POMT2: variants seen among roughly 807,000 people sequenced by gnomAD.
POMT2 encodes protein O-mannosyl-transferase 2.
POMT2 carries 75 observed loss-of-function variants against 100.0 expected under a neutral mutation model. The observed-to-expected ratio is 0.75, with a 90% CI of 0.62 to 0.91. POMT2 has a LOEUF of 0.91. POMT2 is among the 40% of genes least tolerant of loss of function. The pLI is 0.00. For missense variants in POMT2, 940 were observed against 955.1 expected, an observed-to-expected ratio of 0.98 and a Z score of 0.21; for synonymous variants, 378 against 374.1, an observed-to-expected ratio of 1.01 and a Z score of -0.12.
intron 5 of POMT2, among the ~76,000 whole-genome samples, chr14:77,301,870 C>T (rs939583751): frequency 6.6e-6 from 1 of 151,530 alleles, no homozygotes; most frequent in Non-Finnish European, 1.5e-5. Flanking sequence ...TTTTGCTATT[C>T]GTATAGCACC....
chr14:77,287,364 T>A, intron 11 of POMT2: 1 of 152,116 alleles, frequency 6.6e-6, no homozygotes. Context: ...ATGTTCATTA[T>A]AAAATTTCTG....
rs1055592 is a variant in POMT2, at chr14:77,277,301, G to A, written c.*75C>T. On this transcript the variant is annotated 3_prime_UTR_variant, in exon 21 of 21. Transcript: ENST00000261534. The stretch of plus-strand genomic sequence containing the variant: ...CTCCTTAGGCAGCTTCCTCATGGCC[G>A]GATGGTCCAGTACTGCTTCCCAGCT... The A allele has an allele frequency of 0.22, 290,819 of 1,299,554 alleles. 35,380 individuals are homozygous for A. Among genetic ancestry groups the A allele is most frequent in the East Asian group, 0.45 (19,423 of 42,906 alleles). The allele number at this position is 1,299,554 out of a possible 1,614,324, so 80.5% of individuals were successfully genotyped here.
chr14:77,301,343 G>C, intron 5 of POMT2, 94 bp from the exon 6 acceptor site: 2 of 1,519,060 alleles, frequency 1.3e-6, no homozygotes, highest in African/African-American at 1.4e-5. Flanking sequence ...GACTTGGAGC[G>C]GCTGTGCTGT....
intron 11 of POMT2, chr14:77,287,544 C>CTCTCTCTA (rs1377883829): frequency 9.9e-6 from 1 of 101,180 alleles, no homozygotes; most frequent in Non-Finnish European, 2.2e-5. Context: ...CTCTCTCTCT[C>CTCTCTCTA]TATATATATA....
At chr14:77,280,140 A>AG in intron 16 of POMT2, 60 bp from the exon 17 acceptor site, 1 of 1,612,272 alleles carries the variant, frequency 6.2e-7, no homozygotes, top group Non-Finnish European at 8.5e-7. Flanking sequence ...CACACCCATT[A>AG]GGGGGAGGAA....
intron 1 of POMT2, 139 bp from the exon 2 acceptor site, chr14:77,312,172 T>C (rs1046840535): frequency 2.9e-6 from 4 of 1,380,584 alleles, no homozygotes; most frequent in East Asian, 2.6e-5. Flanking sequence ...AAAAAAATAT[T>C]TTGACACAAG....
chr14:77,312,261 G>C, intron 1 of POMT2: 1 of 561,000 alleles, frequency 1.8e-6, no homozygotes, highest in East Asian at 3.9e-5. Context: ...ATATTCACTA[G>C]CCAGTTACCA....
chr14:77,279,303 C>A, intron 18 of POMT2: 1 of 368,406 alleles, frequency 2.7e-6, no homozygotes, highest in Non-Finnish European at 5.2e-6. Context: ...GGCAAAAGGG[C>A]CTGTGTGACT....
At chr14:77,312,236 G>A (rs1056604771) in intron 1 of POMT2, 7 of 761,654 alleles carry the variant, frequency 9.2e-6, no homozygotes, top group African/African-American at 5.3e-5. Context: ...TTAGATAGAT[G>A]AGAAAGGCGA....
At chr14:77,288,684 C>T in intron 11 of POMT2, 78 bp downstream of exon 11, 1 of 1,298,628 alleles carries the variant, frequency 7.7e-7, no homozygotes, top group African/African-American at 1.5e-5. Context: ...CAAAATCTAA[C>T]TTCTGTTTAC....
intron 2 of POMT2, chr14:77,306,702 GAA>G (rs1364512129): frequency 2.5e-6 from 1 of 396,160 alleles, no homozygotes; most frequent in African/African-American, 2.1e-5. Context: ...ACTCAGGAAG[GAA>G]AAAGAGCCCC....
At chr14:77,314,390 G>A (rs1891551428) in intron 1 of POMT2, among the ~76,000 whole-genome samples, 1 of 152,202 alleles carries the variant, frequency 6.6e-6, no homozygotes, top group Non-Finnish European at 1.5e-5. Flanking sequence ...GCTGTGCCAT[G>A]AGAAATAAAG....
intron 1 of POMT2, among the ~76,000 whole-genome samples, chr14:77,315,204 C>T (rs2139528635): frequency 6.6e-6 from 1 of 152,266 alleles, no homozygotes; most frequent in South Asian, 2.1e-4. Flanking sequence ...ACTGCAGGGA[C>T]AGCCATAGCA....
chr14:77,296,252 A>G lies in POMT2; in HGVS notation c.1028T>C (p.Ile343Thr). 1.9e-6 allele frequency: 3 copies of G among 1,605,738 alleles called. No homozygotes were observed. Among genetic ancestry groups the G allele is most frequent in the Non-Finnish European group, 2.5e-6 (3 of 1,176,688 alleles). The change falls in exon 9 of 21, where the codon ATC (isoleucine) becomes ACC (threonine). Residue 343 changes from isoleucine (I) to threonine (T), a missense_variant. Coordinates refer to ENST00000261534, the MANE Select transcript of POMT2 (RefSeq NM_013382.7). ...IPEHLAYGSVITVKNLRMAIG... is the reference protein window; with the variant it reads ...IPEHLAYGSVTTVKNLRMAIG... ...GGCCATCCGGAGGTTCTTCACAGTG[A>G]TCACAGAGCCGTAGGCCAGGTCTGG...
At chr14:77,292,041 A>C (rs533054499) in intron 9 of POMT2, among the ~76,000 whole-genome samples, 1 of 152,316 alleles carries the variant, frequency 6.6e-6, no homozygotes, top group South Asian at 2.1e-4. Flanking sequence ...GGAAAAAAAA[A>C]AGTAATTAAG....
chr14:77,303,709 T>C (rs547266488), intron 4 of POMT2, among the ~76,000 whole-genome samples: 24 of 152,358 alleles, frequency 1.6e-4, no homozygotes, highest in African/African-American at 5.8e-4. Context: ...TCAGAAGCTC[T>C]TTCCTGACTA....
intron 15 of POMT2, among the ~76,000 whole-genome samples, chr14:77,281,730 G>A (rs1246992250): frequency 2.6e-5 from 4 of 152,196 alleles, no homozygotes; most frequent in Non-Finnish European, 4.4e-5. Context: ...GTGCATTGCA[G>A]AGTGTTTAGC....
intron 15 of POMT2, among the ~76,000 whole-genome samples, chr14:77,283,133 A>T (rs1470733385): frequency 6.6e-6 from 1 of 152,262 alleles, no homozygotes; most frequent in East Asian, 1.9e-4. Context: ...AAACCTTAAA[A>T]AGAATCAATC....
At chr14:77,307,532 A>G (rs778229158) in intron 2 of POMT2, among the ~76,000 whole-genome samples, 23 of 152,242 alleles carry the variant, frequency 1.5e-4, no homozygotes, top group Non-Finnish European at 3.1e-4. Flanking sequence ...CCAAGTGGCA[A>G]TCAAATGGAT....
Sources: allele counts gnomAD v4.1 joint callset (sites outside exome capture counted in the v4.1 genomes callset), GRCh38; gene constraint gnomAD v4.1.1; transcripts MANE v1.5; gene names NCBI Gene and HGNC (gene_info 2026-07-23, HGNC 2026-07-21).